JMJD1C: variants seen among roughly 807,000 people sequenced by gnomAD.
The protein encoded by JMJD1C is jumonji domain containing 1C, also known as jumonji domain-containing protein 1C.
JMJD1C carries 31 observed loss-of-function variants against 245.3 expected under a neutral mutation model. That is an observed-to-expected ratio of 0.13 (90% confidence interval 0.09 to 0.17). JMJD1C has a LOEUF of 0.17. Among genes scored for constraint, JMJD1C ranks in the 10% least tolerant of loss-of-function variants. JMJD1C has a pLI of 1.00. For missense variants in JMJD1C, 2,691 were observed against 3,000.2 expected, an observed-to-expected ratio of 0.90 and a Z score of 2.41; for synonymous variants, 1,057 against 1,017.4, an observed-to-expected ratio of 1.04 and a Z score of -0.74.
chr10:63,491,923 G>T (rs1013298718), intron 1 of JMJD1C, among the ~76,000 whole-genome samples: 5 of 152,362 alleles, frequency 3.3e-5, no homozygotes, highest in African/African-American at 7.2e-5. Flanking sequence ...GCACAAAACA[G>T]AATTCATTCT....
intron 1 of JMJD1C, among the ~76,000 whole-genome samples, chr10:63,464,193 C>A (rs562603862): frequency 2.0e-5 from 3 of 151,956 alleles, no homozygotes; most frequent in African/African-American, 7.2e-5. Context: ...AAATAACCAG[C>A]CAAAACCTTC....
chr10:63,317,480 T>C (rs1940233756), intron 2 of JMJD1C, among the ~76,000 whole-genome samples: 1 of 152,122 alleles, frequency 6.6e-6, no homozygotes, highest in Non-Finnish European at 1.5e-5. Context: ...TTATTTCTTC[T>C]ATTTGAATGT....
chr10:63,303,614 C>T (rs1036392227), intron 2 of JMJD1C, among the ~76,000 whole-genome samples: 2 of 152,090 alleles, frequency 1.3e-5, no homozygotes, highest in Non-Finnish European at 2.9e-5. Flanking sequence ...CCTGCTTGTG[C>T]TTTTAATCAA....
intron 3 of JMJD1C, among the ~76,000 whole-genome samples, chr10:63,252,865 T>C (rs571646009): frequency 1.3e-5 from 2 of 152,374 alleles, no homozygotes; most frequent in South Asian, 2.1e-4. Context: ...TCAAGTATTT[T>C]ATCTGTCTTT....
At chr10:63,203,863 T>C in intron 10 of JMJD1C, 1 of 982,402 alleles carries the variant, frequency 1.0e-6, no homozygotes. Context: ...AACTCATTCT[T>C]TTTGATTGAC....
intron 1 of JMJD1C, among the ~76,000 whole-genome samples, chr10:63,458,731 ATTTTTT>A (rs71463523): frequency 6.9e-6 from 1 of 145,352 alleles, no homozygotes; most frequent in Non-Finnish European, 1.5e-5. Context: ...TTATTTATTT[ATTTTTT>A]TTTTGAGGAA....
At chr10:63,309,081 A>C (rs893090708) in intron 2 of JMJD1C, among the ~76,000 whole-genome samples, 6 of 152,192 alleles carry the variant, frequency 3.9e-5, no homozygotes, top group African/African-American at 1.2e-4. Context: ...ACCATTCAAG[A>C]AAGACCAAAC....
At chr10:63,291,653 G>A (rs1380481790) in intron 2 of JMJD1C, among the ~76,000 whole-genome samples, 1 of 149,934 alleles carries the variant, frequency 6.7e-6, no homozygotes, top group Non-Finnish European at 1.5e-5. Context: ...GCTTTGCTAA[G>A]TTGCCCAGGC....
intron 2 of JMJD1C, among the ~76,000 whole-genome samples, chr10:63,299,393 T>C (rs1006858170): frequency 4.1e-5 from 6 of 145,568 alleles, no homozygotes; most frequent in African/African-American, 1.5e-4. Context: ...GGTTTCACCA[T>C]GTTGGCAAGG....
intron 3 of JMJD1C, among the ~76,000 whole-genome samples, chr10:63,224,665 A>T (rs776699275): frequency 2.0e-5 from 3 of 152,222 alleles, no homozygotes; most frequent in Non-Finnish European, 4.4e-5. Flanking sequence ...CTTACAGATA[A>T]GAGAAATTAA....
intron 1 of JMJD1C, among the ~76,000 whole-genome samples, chr10:63,493,878 C>G (rs1954261138): frequency 6.6e-6 from 1 of 152,010 alleles, no homozygotes; most frequent in Non-Finnish European, 1.5e-5. Flanking sequence ...TCTTTCCAAT[C>G]CAGATCTCTG....
chr10:63,429,420 T>C (rs1003550280), intron 1 of JMJD1C, among the ~76,000 whole-genome samples: 1 of 152,192 alleles, frequency 6.6e-6, no homozygotes, highest in African/African-American at 2.4e-5. Flanking sequence ...GATGCACAAT[T>C]TCCTTTCAAA....
chr10:63,202,396 G>GA (rs1198387050), intron 10 of JMJD1C: 1 of 985,256 alleles, frequency 1.0e-6, no homozygotes, highest in Non-Finnish European at 1.2e-6. Flanking sequence ...CTGTCATGCT[G>GA]AAAGAATAAA....
At chr10:63,217,151 G>T in intron 5 of JMJD1C, 56 bp downstream of exon 5, 1 of 1,458,890 alleles carries the variant, frequency 6.9e-7, no homozygotes, top group Non-Finnish European at 9.4e-7. Flanking sequence ...ATTTTGGGGG[G>T]CATGGATGAT....
chr10:63,309,245 C>T (rs1049876949), intron 2 of JMJD1C, among the ~76,000 whole-genome samples: 2 of 152,056 alleles, frequency 1.3e-5, no homozygotes, highest in Non-Finnish European at 2.9e-5. Context: ...GTAACCCCAG[C>T]ACTTTGGGAG....
chr10:63,382,091 G>T (rs975575403), intron 1 of JMJD1C, among the ~76,000 whole-genome samples: 2 of 152,040 alleles, frequency 1.3e-5, no homozygotes, highest in Non-Finnish European at 2.9e-5. Flanking sequence ...GGTGCCTGTA[G>T]TCCCAGCTAC....
rs2134229423 is a variant in JMJD1C, at chr10:63,341,160, G to A, written c.333+39158C>T. Among the ~76,000 whole-genome samples the A allele has an allele frequency of 2.0e-5, 3 of 152,224 alleles. 1 individual carries two copies. The South Asian group carries it at 6.2e-4, about 32-fold the overall frequency. On this transcript the variant is annotated intron_variant, in intron 2 of 25. Coordinates refer to ENST00000399262, the MANE Select transcript of JMJD1C (RefSeq NM_032776.3). The stretch of plus-strand genomic sequence containing the variant: ...TCCGGATGAGCTGAAAAACTGAAGG[G>A]AACTATAAATACTCAATAGGTGGGT...
At chr10:63,388,728 T>TA (rs1342530382) in intron 1 of JMJD1C, among the ~76,000 whole-genome samples, 1 of 152,048 alleles carries the variant, frequency 6.6e-6, no homozygotes, top group Admixed American at 6.6e-5. Context: ...TAAAACAGAT[T>TA]AAAGTGTCAG....
At chr10:63,466,299 A>G (rs1227553950), upstream of JMJD1C, 2 of 153,506 alleles carry the variant, frequency 1.3e-5, no homozygotes, top group Non-Finnish European at 2.9e-5. Context: ...CACTCTGATC[A>G]CAAAATAAAC....
Sources: gnomAD v4.1 joint callset for allele counts (sites outside exome capture counted in the v4.1 genomes callset) on GRCh38, gnomAD v4.1.1 for gene constraint, MANE v1.5 for transcripts, NCBI Gene and HGNC (gene_info 2026-07-23, HGNC 2026-07-21) for gene names.